RPAP1: variants seen among roughly 807,000 people sequenced by gnomAD.
RPAP1 encodes RNA polymerase II associated protein 1.
Under a neutral mutation model 142.4 loss-of-function variants are expected in RPAP1, and 109 were observed. That is an observed-to-expected ratio of 0.77 (90% CI 0.66 to 0.90). RPAP1 has a LOEUF of 0.90. Ranked by LOEUF, RPAP1 falls within the 40% of genes least tolerant of loss-of-function variation. RPAP1 has a pLI of 0.00. For missense variants in RPAP1, 1,546 were observed against 1,751.7 expected, an observed-to-expected ratio of 0.88 and a Z score of 2.10; for synonymous variants, 704 against 738.9, an observed-to-expected ratio of 0.95 and a Z score of 0.77.
intron 5 of RPAP1, among the ~76,000 whole-genome samples, chr15:41,535,296 T>C (rs1436697748): frequency 6.6e-6 from 1 of 152,194 alleles, no homozygotes; most frequent in African/African-American, 2.4e-5. Context: ...ACTTCTGCCC[T>C]ATTCCCTTTC....
At chr15:41,525,422 T>C (rs1474019706) in intron 14 of RPAP1, among the ~76,000 whole-genome samples, 1 of 152,044 alleles carries the variant, frequency 6.6e-6, no homozygotes, top group African/African-American at 2.4e-5. Context: ...CACCACAACT[T>C]CTGTCTCCCA....
intron 8 of RPAP1, 29 bp downstream of exon 8, chr15:41,529,835 C>T (rs1053417911): frequency 6.6e-7 from 1 of 1,526,630 alleles, no homozygotes; most frequent in Non-Finnish European, 9.0e-7. Flanking sequence ...ATCTCACCCA[C>T]CCCTTGTAGG....
In RPAP1 at chr15:41,524,076, G is replaced by C. The variant is rs775284162; in HGVS notation, c.2234+20C>G. ...TGGAGGAGCCCTCCACCTGTCCTGTGGGTCCTGGCTATAAACTACCTGATG... is the reference window on the plus strand; with the variant it reads ...TGGAGGAGCCCTCCACCTGTCCTGTCGGTCCTGGCTATAAACTACCTGATG... On this transcript the variant is annotated intron_variant, in intron 16 of 24. Coordinates refer to ENST00000304330, the MANE Select transcript of RPAP1 (RefSeq NM_015540.4). The C allele has an allele frequency of 6.3e-7, 1 of 1,592,918 alleles. No homozygotes were observed. The highest frequency in any genetic ancestry group is 2.2e-5 in the East Asian group (1 of 44,548).
chr15:41,517,437 G>T lies in RPAP1; in HGVS notation c.*105C>A, dbSNP rs1595478317. 1.8e-6 allele frequency: 2 copies of T among 1,114,880 alleles called. No homozygotes were observed. The highest frequency in any genetic ancestry group is 2.4e-5 in the East Asian group (1 of 41,826). 69.1% of individuals were successfully genotyped at this position (1,114,880 alleles called of 1,614,324 possible). A position where few individuals can be genotyped will look rare whatever the true frequency, so the allele number is the denominator to read the frequency against. The stretch of plus-strand genomic sequence containing the variant: ...AGGAAGGCAAGCCTTCTGCTCCTTG[G>T]TCTCCTGCCTACCATTAGGACACAA... On this transcript the variant is annotated 3_prime_UTR_variant, in exon 25 of 25. Coordinates refer to ENST00000304330, the MANE Select transcript of RPAP1 (RefSeq NM_015540.4).
chr15:41,524,185 T>C lies in RPAP1; in HGVS notation c.2145A>G (p.Gln715=). The C allele has an allele frequency of 6.3e-7, 1 of 1,591,826 alleles. No homozygotes were observed. Residue 715 remains glutamine, a synonymous_variant, in exon 16 of 25, where the codon CAA becomes CAG. Transcript: ENST00000304330. Reference sequence around the variant, plus strand: ...AGGCTATCCGCTGCATGGACAGGGGTTGAGGTGGGTGGGTGCTGAGCTCCC... The same window carrying C: ...AGGCTATCCGCTGCATGGACAGGGGCTGAGGTGGGTGGGTGCTGAGCTCCC... ...VPRELSTHPP[Q]PLSMQRIASL... is the part of the protein sequence containing the mutation.
chr15:41,537,883 C>A (rs868369815), intron 1 of RPAP1, among the ~76,000 whole-genome samples: 236 of 131,466 alleles, frequency 1.8e-3, no homozygotes, highest in Middle Eastern at 4.0e-3. Context: ...AACTCCGTCT[C>A]AAAAAAAAAA....
In RPAP1 at chr15:41,522,869, G is replaced by A; in HGVS notation, c.2638C>T (p.Pro880Ser). 1 of 1,580,830 alleles carries A rather than the reference G, an allele frequency of 6.3e-7. No homozygotes were observed. Among genetic ancestry groups the A allele is most frequent in the Non-Finnish European group, 8.5e-7 (1 of 1,169,898 alleles). The change falls in exon 19 of 25, where the codon CCC (proline) becomes TCC (serine). Residue 880 changes from proline to serine, a missense_variant. By Grantham distance (74) the Pro-to-Ser change is moderately conservative. Around this residue, in one of 3 missense-constraint regions of RPAP1, gnomAD observed 1,333 missense variants for 1,486.6 expected, o/e 0.90. Coordinates refer to ENST00000304330, the MANE Select transcript of RPAP1 (RefSeq NM_015540.4). The part of the protein sequence containing the change: ...LVSLGCSGGC[P>S]RLSLAGSASP... ...GCTGAGCCAGCCAGACTGAGACGGG[G>A]GCAGCCTCCCGAGCAGCCCAGTGAC...
intron 6 of RPAP1, among the ~76,000 whole-genome samples, chr15:41,534,122 C>CAA (rs766614698): frequency 9.0e-6 from 1 of 110,816 alleles, no homozygotes; most frequent in Non-Finnish European, 1.9e-5. Flanking sequence ...AACTCCATCT[C>CAA]AAAAAAAAAA....
At chr15:41,534,130 A>T (rs1427882023) in intron 6 of RPAP1, among the ~76,000 whole-genome samples, 1 of 151,014 alleles carries the variant, frequency 6.6e-6, no homozygotes, top group African/African-American at 2.4e-5. Context: ...CTCAAAAAAA[A>T]AAAAAGGCCG....
intron 13 of RPAP1, 47 bp from the exon 14 acceptor site, chr15:41,527,115 A>C (rs370562216): frequency 1.5e-5 from 24 of 1,613,252 alleles, no homozygotes; most frequent in Non-Finnish European, 2.0e-5. Flanking sequence ...CTGTGGGTCA[A>C]GACAAGGCCC....
Position 41,527,420 on chromosome 15 carries a change from T to C in RPAP1, c.1611+3A>G. The stretch of plus-strand genomic sequence containing the variant: ...TGGGATGGGAAAGAAGCTGTCCCTT[T>C]ACCTTGATGACATCATGTCGGGCCA... On this transcript the variant is annotated splice_donor_region_variant and intron_variant, in intron 12 of 24. Transcript: ENST00000304330. The C allele has an allele frequency of 6.2e-7, 1 of 1,614,054 alleles. No individual in the cohort carries two copies.
rs1196542085 is a variant in RPAP1, at chr15:41,517,699, A to C, written c.4033-8T>G. ...GAGGTGCTGCCGGAGACCCTGCAGA[A>C]AGGAAAGAAAACTTATGAAGTGGGT... On this transcript the variant is annotated splice_region_variant and splice_polypyrimidine_tract_variant and intron_variant, in intron 24 of 24. Transcript: ENST00000304330. 1.9e-6 allele frequency: 3 copies of C among 1,612,522 alleles called. No individual in the cohort carries two copies. The South Asian group carries it at 3.3e-5, about 18-fold the overall frequency.
intron 1 of RPAP1, among the ~76,000 whole-genome samples, chr15:41,540,909 C>G (rs1275080344): frequency 3.9e-5 from 6 of 152,170 alleles, no homozygotes; most frequent in African/African-American, 1.4e-4. Context: ...CTGTGGGAAG[C>G]TGTCCTGCGC....
intron 6 of RPAP1, among the ~76,000 whole-genome samples, chr15:41,534,420 C>A (rs8039933): frequency 5.5e-5 from 8 of 146,190 alleles, no homozygotes; most frequent in Admixed American, 1.4e-4. Context: ...CTCTGTCCCC[C>A]CAAAAAAAAA....
intron 1 of RPAP1, among the ~76,000 whole-genome samples, chr15:41,542,470 G>A (rs960369058): frequency 2.0e-5 from 3 of 152,128 alleles, no homozygotes; most frequent in Non-Finnish European, 2.9e-5. Context: ...ACTGAAGGAA[G>A]TGGATGAAGT....
chr15:41,536,696 G>C, intron 2 of RPAP1, 47 bp from the exon 3 acceptor site: 1 of 1,596,684 alleles, frequency 6.3e-7, no homozygotes, highest in East Asian at 2.2e-5. Flanking sequence ...CACCTTCCTA[G>C]GAAGACACTG....
rs1252240989 is a variant in RPAP1, at chr15:41,521,754, G to A, written c.3022C>T (p.Arg1008Trp). ...AGCACTTACGGGAGGAACTCCAGCC[G>A]GAATACACAGCTCAGCAGCAGCTCA... ...THELLLSCVF[R>W]LEFLPERTSG... The change falls in exon 21 of 25, where the codon CGG becomes TGG. Residue 1008 changes from arginine (R) to tryptophan (W), a missense_variant. By Grantham distance (101) the Arg-to-Trp change is moderately radical. Coordinates refer to ENST00000304330, the MANE Select transcript of RPAP1 (RefSeq NM_015540.4). 8.1e-6 allele frequency: 13 copies of A among 1,614,128 alleles called. No individual in the cohort carries two copies. Among genetic ancestry groups the A allele is most frequent in the East Asian group, 2.2e-5 (1 of 44,876 alleles).
intron 6 of RPAP1, 22 bp from the exon 7 acceptor site, chr15:41,531,224 AGAGT>A (rs770440693): frequency 5.0e-6 from 8 of 1,596,050 alleles, no homozygotes; most frequent in Middle Eastern, 1.7e-4. Flanking sequence ...GGTAGAGGGG[AGAGT>A]GAGTGAGGGT....
chr15:41,527,695 A>C, intron 11 of RPAP1, 90 bp from the exon 12 acceptor site: 1 of 1,479,840 alleles, frequency 6.8e-7, no homozygotes, highest in Non-Finnish European at 9.0e-7. Flanking sequence ...TAAAAACCAT[A>C]AAGGCAAGCC....
Sources: gnomAD v4.1 joint callset for allele counts (sites outside exome capture counted in the v4.1 genomes callset) on GRCh38, gnomAD v4.1.1 for gene constraint, gnomAD v4.1.1 regional missense constraint, MANE v1.5 for transcripts, NCBI Gene and HGNC (gene_info 2026-07-23, HGNC 2026-07-21) for gene names.